FKBP8: variants seen among roughly 807,000 people sequenced by gnomAD.
FKBP8 encodes FKBP prolyl isomerase 8.
FKBP8 carries 5 observed loss-of-function variants against 41.7 expected under a neutral mutation model. The ratio of observed to expected loss-of-function variants is 0.12; its 90% CI spans 0.06 to 0.25. The LOEUF (loss-of-function observed/expected upper bound fraction) is 0.25, where lower values mean the gene tolerates loss of function less well. Among genes scored for constraint, FKBP8 ranks in the 10% least tolerant of loss-of-function variants. The pLI is 1.00. For missense variants in FKBP8, 397 were observed against 563.0 expected, an observed-to-expected ratio of 0.71 and a Z score of 2.98; for synonymous variants, 279 against 254.5, an observed-to-expected ratio of 1.10 and a Z score of -0.92.
chr19:18,538,767 C>A lies in FKBP8; in HGVS notation c.552-331G>T, dbSNP rs1976637133. The stretch of plus-strand genomic sequence containing the variant: ...GGCTCAAGTGATCCTCCTGCCTGAG[C>A]CTCCTCAGTAGCTGGGACTACAGGT... On this transcript the variant is annotated intron_variant, in intron 4 of 8. Coordinates refer to ENST00000608443, the MANE Select transcript of FKBP8 (RefSeq NM_012181.5). The surrounding 1 kb of genome is among the most constrained non-coding windows in gnomAD (Gnocchi z 4.0). Among the ~76,000 whole-genome samples, 1 of 151,038 alleles carries A rather than the reference C, an allele frequency of 6.6e-6. No homozygotes were observed. Among genetic ancestry groups the A allele is most frequent in the African/African-American group, 2.5e-5 (1 of 40,796 alleles).
intron 6 of FKBP8, among the ~76,000 whole-genome samples, chr19:18,533,733 G>A (rs1431132512): frequency 2.6e-5 from 4 of 151,570 alleles, no homozygotes; most frequent in African/African-American, 4.8e-5. Context: ...AGGGTCGGGC[G>A]CAGTGGCTCA....
Position 18,541,919 on chromosome 19 carries a change from C to A in FKBP8, c.52G>T (p.Val18Phe). The A allele has an allele frequency of 1.9e-6, 3 of 1,614,104 alleles. No individual in the cohort carries two copies. Among genetic ancestry groups the A allele is most frequent in the Non-Finnish European group, 2.5e-6 (3 of 1,179,986 alleles). Residue 18 changes from valine (V) to phenylalanine (F), a missense_variant, in exon 2 of 9, where the codon GTC becomes TTC. Transcript: ENST00000608443. The stretch of plus-strand genomic sequence containing the variant: ...ACCTCGAAGTCCTCGAGCGGTGGGA[C>A]CCCGGCGGGCAGTGGGGCAGAGGGC... ...SEPSAPLPAG[V>F]PPLEDFEVLD...
chr19:18,543,168 C>T (rs1976748316), intron 1 of FKBP8: 1 of 278,034 alleles, frequency 3.6e-6, no homozygotes, highest in Non-Finnish European at 7.1e-6. Flanking sequence ...CCCAGGCCCC[C>T]AACGACCCAC....
chr19:18,533,160 C>T (rs1342012656), intron 7 of FKBP8, 110 bp downstream of exon 7: 3 of 1,061,952 alleles, frequency 2.8e-6, no homozygotes, highest in African/African-American at 3.2e-5. Context: ...TACTCCGTGC[C>T]ACTGCCCAGG....
intron 1 of FKBP8, chr19:18,542,587 C>A (rs1976730171): frequency 4.9e-6 from 1 of 206,144 alleles, no homozygotes; most frequent in Non-Finnish European, 1.0e-5. Flanking sequence ...CACCCAGAAA[C>A]CCCAAGCGTT....
rs1488183143 is a variant in FKBP8 at position 18,533,321 on chromosome 19, A to G, written c.972T>C (p.Ser324=). Residue 324 remains serine (S), a synonymous_variant, in exon 7 of 9, where the codon AGT becomes AGC. Transcript: ENST00000608443. ...GKVLAQQGEY[S]EAIPILRAAL... ...CTGCCCTCAGGATGGGGATGGCCTC[A>G]CTGTACTCCCCCTGCTGGGCCAGCA... is the stretch of plus-strand genomic sequence containing the variant. The G allele has an allele frequency of 4.4e-6, 7 of 1,606,594 alleles. No individual in the cohort carries two copies. The highest frequency in any genetic ancestry group is 5.9e-6 in the Non-Finnish European group (7 of 1,176,776).
rs746765675 is a variant in FKBP8 at position 18,538,346 on chromosome 19, C to T, written c.642G>A (p.Thr214=). ...TGGCCAGGGCCACGCGCTCCTGCCC[C>T]GTGAGCATCTCCAGGTCAGGCCCGT... ...AVDGPDLEML[T]GQERVALANR... Residue 214 remains threonine (T), a synonymous_variant, in exon 5 of 9, where the codon ACG becomes ACA. Coordinates refer to ENST00000608443, the MANE Select transcript of FKBP8 (RefSeq NM_012181.5). The surrounding 1 kb of genome is among the most constrained non-coding windows in gnomAD (Gnocchi z 4.0). 11 of 1,613,504 alleles carry T rather than the reference C, an allele frequency of 6.8e-6. No homozygotes were observed. Among genetic ancestry groups the T allele is most frequent in the East Asian group, 2.2e-5 (1 of 44,894 alleles).
At chr19:18,535,204 GCCACCACGC>G (rs1976546364) in intron 6 of FKBP8, among the ~76,000 whole-genome samples, 1 of 152,132 alleles carries the variant, frequency 6.6e-6, no homozygotes, top group Non-Finnish European at 1.5e-5. Flanking sequence ...ATAGGCGTGA[GCCACCACGC>G]CCAGCCCTTA....
Position 18,533,411 on chromosome 19 carries a change from A to G in FKBP8, c.946-64T>C, listed in dbSNP as rs10420299. 11 of 1,388,142 alleles carry G rather than the reference A, an allele frequency of 7.9e-6. No homozygotes were observed. The African/African-American group carries it at 8.5e-5, about 11-fold the overall frequency. The allele number at this position is 1,388,142 out of a possible 1,614,324, so 86.0% of individuals were successfully genotyped here. ...CCTGGGCCTGTCCTTCAAGAAATCCAGCCCAGGAGGTTGCAGTGAGCCAAG... is the reference window on the plus strand; with the variant it reads ...CCTGGGCCTGTCCTTCAAGAAATCCGGCCCAGGAGGTTGCAGTGAGCCAAG... On this transcript the variant is annotated intron_variant, in intron 6 of 8. Coordinates refer to ENST00000608443, the MANE Select transcript of FKBP8 (RefSeq NM_012181.5).
At chr19:18,535,355 C>T (rs1184778813) in intron 6 of FKBP8, among the ~76,000 whole-genome samples, 1 of 152,130 alleles carries the variant, frequency 6.6e-6, no homozygotes, top group African/African-American at 2.4e-5. Flanking sequence ...GGCACCACAC[C>T]TGGCCCTGAT....
chr19:18,532,859 T>C (rs1317001136), intron 7 of FKBP8, 64 bp from the exon 8 acceptor site: 1 of 1,591,828 alleles, frequency 6.3e-7, no homozygotes, highest in Non-Finnish European at 8.5e-7. Flanking sequence ...GCGCTCTGCC[T>C]TACTGGGACC....
chr19:18,538,879 A>C lies in FKBP8; in HGVS notation c.552-443T>G, dbSNP rs560727316. ...GCCCAGGCTGGAGTGCAGTGGTGCA[A>C]TCTCGGTTCACTGCAAGCTCCGCCT... On this transcript the variant is annotated intron_variant, in intron 4 of 8. Coordinates refer to ENST00000608443, the MANE Select transcript of FKBP8 (RefSeq NM_012181.5). This position sits in a 1 kb window ranked among gnomAD's most constrained non-coding sequence, Gnocchi z 4.0. Among the ~76,000 whole-genome samples the C allele has an allele frequency of 1.4e-4, 20 of 141,926 alleles. No homozygotes were observed. Among genetic ancestry groups the C allele is most frequent in the African/African-American group, 5.3e-4 (19 of 36,116 alleles). 93.1% of individuals were successfully genotyped at this position (141,926 alleles called of 152,430 possible). A position where few individuals can be genotyped will look rare whatever the true frequency, so the allele number is the denominator to read the frequency against.
Position 18,540,425 on chromosome 19 carries a change from A to AC in FKBP8, c.293-706dup, listed in dbSNP as rs376177663. Among the ~76,000 whole-genome samples, 465 of 152,114 alleles carry AC rather than the reference A, an allele frequency of 3.1e-3. 1 individual carries two copies. The highest frequency in any genetic ancestry group is 0.011 in the African/African-American group (451 of 41,484). ...AGACCAGCCTGGGCAACATAGTGAG[A>AC]CCCCATCTCTACAAAAAATAAAAAA... On this transcript the variant is annotated intron_variant, in intron 2 of 8. Transcript: ENST00000608443.
intron 2 of FKBP8, among the ~76,000 whole-genome samples, chr19:18,540,635 G>T (rs574196941): frequency 6.6e-6 from 1 of 152,174 alleles, no homozygotes; most frequent in African/African-American, 2.4e-5. Context: ...ACTTTAGGAG[G>T]CCAAGGCAGG....
chr19:18,539,828 G>A (rs1158610153), intron 2 of FKBP8, 108 bp from the exon 3 acceptor site: 4 of 1,345,576 alleles, frequency 3.0e-6, no homozygotes, highest in Non-Finnish European at 3.1e-6. Flanking sequence ...CTGTCCAGAG[G>A]GGGCTGGCCC....
chr19:18,542,938 C>A, intron 1 of FKBP8: 1 of 1,229,988 alleles, frequency 8.1e-7, no homozygotes, highest in Non-Finnish European at 1.1e-6. Flanking sequence ...CCCTCCCAGC[C>A]CCCACCCCCA....
intron 6 of FKBP8, among the ~76,000 whole-genome samples, chr19:18,536,719 A>T (rs1244879816): frequency 6.6e-6 from 1 of 152,204 alleles, no homozygotes; most frequent in Non-Finnish European, 1.5e-5. Context: ...GCAAGGCTGG[A>T]GATCCGGCAG....
In FKBP8 at chr19:18,533,876, C is replaced by T. The variant is rs144797636; in HGVS notation, c.946-529G>A. ...AAAAAAAATTAGCTGGGCGAGGTGGCGGGCGCCTGATAGTCCCAGCTACTC... is the reference window on the plus strand; with the variant it reads ...AAAAAAAATTAGCTGGGCGAGGTGGTGGGCGCCTGATAGTCCCAGCTACTC... On this transcript the variant is annotated intron_variant, in intron 6 of 8. Coordinates refer to ENST00000608443, the MANE Select transcript of FKBP8 (RefSeq NM_012181.5). 1.7e-3 allele frequency among the ~76,000 whole-genome samples: 250 copies of T among 150,674 alleles called. 1 individual carries two copies. The highest frequency in any genetic ancestry group is 5.8e-3 in the African/African-American group (236 of 40,968).
chr19:18,534,775 AATT>A (rs1027100944), intron 6 of FKBP8, among the ~76,000 whole-genome samples: 1 of 149,854 alleles, frequency 6.7e-6, no homozygotes, highest in Non-Finnish European at 1.5e-5. Context: ...TTATTTATAA[AATT>A]ATTATTACTA....
Sources: gnomAD v4.1 joint callset for allele counts (sites outside exome capture counted in the v4.1 genomes callset) on GRCh38, gnomAD v4.1.1 for gene constraint, Gnocchi (gnomAD v3.1) non-coding constraint, MANE v1.5 for transcripts, NCBI Gene and HGNC (gene_info 2026-07-23, HGNC 2026-07-21) for gene names.